The following GPR89B variants were observed in gnomAD, a reference collection of about 807,000 sequenced individuals.
GPR89B encodes the protein golgi pH regulator B.
Under a neutral mutation model 52.4 loss-of-function variants are expected in GPR89B, and 25 were observed. That is an observed-to-expected ratio of 0.48 (90% CI 0.35 to 0.67). The LOEUF is 0.67. Ranked by LOEUF, GPR89B falls within the 30% of genes least tolerant of loss-of-function variation. GPR89B has a pLI of 0.01. For missense variants in GPR89B, 146 were observed against 450.2 expected (o/e 0.32, Z 6.11); for synonymous variants, 52 against 151.2 (o/e 0.34, Z 4.81).
Position 147,947,292 on chromosome 1 carries a change from C to A in GPR89B, c.415+3194C>A, listed in dbSNP as rs1184021539. Among the ~76,000 whole-genome samples, 3 of 150,134 alleles carry A rather than the reference C, an allele frequency of 2.0e-5. No homozygotes were observed. In the East Asian group the frequency reaches 5.9e-4, roughly 29 times the overall value. ...GGCTGAGGTTGCAGTGAGCTGAGAT[C>A]GTGCCACTCCCCTCCAGCCTGGGCG... On this transcript the variant is annotated intron_variant, in intron 5 of 13. Transcript: ENST00000314163.
At chr1:147,958,809 AAG>A (rs1656320814) in intron 7 of GPR89B, among the ~76,000 whole-genome samples, 1 of 152,018 alleles carries the variant, frequency 6.6e-6, no homozygotes, top group African/African-American at 2.4e-5. Flanking sequence ...GTCCGACAGT[AAG>A]TTTTATTAAT....
At chr1:148,020,626 G>T in the GPR89B span, among the ~76,000 whole-genome samples, 1 of 151,716 alleles carries the variant, frequency 6.6e-6, no homozygotes, top group African/African-American at 2.4e-5. Flanking sequence ...GGGAAGGGGG[G>T]AACTACTGTA....
chr1:147,934,877 T>C (rs1653948388), intron 1 of GPR89B, among the ~76,000 whole-genome samples: 1 of 152,120 alleles, frequency 6.6e-6, no homozygotes, highest in African/African-American at 2.4e-5. Flanking sequence ...AAATTTAAGA[T>C]TGAATGCTGA....
chr1:147,937,699 C>T (rs1189245118), intron 2 of GPR89B, among the ~76,000 whole-genome samples: 1 of 152,164 alleles, frequency 6.6e-6, no homozygotes, highest in Non-Finnish European at 1.5e-5. Context: ...TGCAAGCAGT[C>T]GGACCTTATG....
intron 7 of GPR89B, among the ~76,000 whole-genome samples, chr1:147,962,651 C>T (rs1195844656): frequency 1.2e-4 from 19 of 152,032 alleles, no homozygotes; most frequent in African/African-American, 4.6e-4. Flanking sequence ...AATCCCAGCA[C>T]TTTGGGAAGC....
intron 5 of GPR89B, among the ~76,000 whole-genome samples, chr1:147,945,927 C>T (rs587679630): frequency 6.4e-4 from 97 of 152,050 alleles, no homozygotes; most frequent in African/African-American, 2.2e-3. Context: ...GGTTTCTCCA[C>T]GTTGCTCAGG....
At position 147,942,780 on chromosome 1, in the gene GPR89B, CAG is replaced by C. The variant is rs587761365; in HGVS notation, c.207-657_207-656del. On this transcript the variant is annotated intron_variant, in intron 3 of 13. Transcript: ENST00000314163. ...TAGAGCTGAGGAGATTGGGGAGAAACAGGGAGTGACTGCTAATGGGTACAGGG... is the reference window on the plus strand; with the variant it reads ...TAGAGCTGAGGAGATTGGGGAGAAACGGAGTGACTGCTAATGGGTACAGGG... Among the ~76,000 whole-genome samples the C allele has an allele frequency of 6.6e-3, 581 of 87,962 alleles. 12 individuals carry two copies. Among genetic ancestry groups the C allele is most frequent in the East Asian group, 0.041 (133 of 3,208 alleles). The allele number at this position is 87,962 out of a possible 152,430, so 57.7% of individuals were successfully genotyped here.
the GPR89B span, among the ~76,000 whole-genome samples, chr1:148,005,773 A>G: frequency 1.3e-5 from 2 of 151,958 alleles, no homozygotes; most frequent in African/African-American, 4.8e-5. Flanking sequence ...TCCCTATGGT[A>G]TATCAGCCTT....
chr1:147,949,546 C>T (rs1234616693), intron 5 of GPR89B, among the ~76,000 whole-genome samples: 5 of 132,178 alleles, frequency 3.8e-5, no homozygotes, highest in Admixed American at 2.1e-4. Flanking sequence ...CCTCACCTCC[C>T]GGACGGGGCG....
At chr1:147,959,824 C>G (rs1656400131) in intron 7 of GPR89B, among the ~76,000 whole-genome samples, 1 of 151,656 alleles carries the variant, frequency 6.6e-6, no homozygotes, top group African/African-American at 2.4e-5. Context: ...GGTTGCTGTG[C>G]CTTTGATTGA....
chr1:147,929,507 T>C lies in GPR89B; in HGVS notation c.42+929T>C, dbSNP rs1571207985. Among the ~76,000 whole-genome samples, 3 of 152,244 alleles carry C rather than the reference T, an allele frequency of 2.0e-5. No homozygotes were observed. In the South Asian group the frequency reaches 6.2e-4, roughly 31 times the overall value. On this transcript the variant is annotated intron_variant, in intron 1 of 13. Coordinates refer to ENST00000314163, the MANE Select transcript of GPR89B (RefSeq NM_016334.5). Reference sequence around the variant, plus strand: ...CAATATTTGTGAAGCTCAGACTGCCTGTTGACCTTCTTCCCCTCATCTTTC... The same window carrying C: ...CAATATTTGTGAAGCTCAGACTGCCCGTTGACCTTCTTCCCCTCATCTTTC...
chr1:147,935,430 A>G (rs1457815119), intron 1 of GPR89B, among the ~76,000 whole-genome samples: 1 of 152,242 alleles, frequency 6.6e-6, no homozygotes, highest in Non-Finnish European at 1.5e-5. Flanking sequence ...AGCCAGTTTA[A>G]GAAGAAAAGA....
the GPR89B span, among the ~76,000 whole-genome samples, chr1:148,023,124 A>G: frequency 6.6e-6 from 1 of 150,768 alleles, no homozygotes; most frequent in African/African-American, 2.5e-5. Flanking sequence ...CACAGTGTCT[A>G]TAGTTCTCAA....
chr1:147,962,563 T>C (rs1461106703), intron 7 of GPR89B, among the ~76,000 whole-genome samples: 6 of 151,366 alleles, frequency 4.0e-5, no homozygotes, highest in Non-Finnish European at 7.4e-5. Flanking sequence ...CGTCCATAGG[T>C]TTAAAAAATG....
intron 1 of GPR89B, among the ~76,000 whole-genome samples, chr1:147,934,198 A>G (rs1424410853): frequency 2.7e-4 from 41 of 150,972 alleles, no homozygotes; most frequent in Non-Finnish European, 5.2e-4. Context: ...TTGTTTTGAG[A>G]CAGGGTTTCG....
the GPR89B span, chr1:148,005,658 C>T: frequency 1.1e-6 from 1 of 941,770 alleles, no homozygotes; most frequent in East Asian, 2.6e-5. Context: ...AAGAACATGT[C>T]AACCTTAATG....
At chr1:148,021,088 C>A in the GPR89B span, among the ~76,000 whole-genome samples, 2 of 151,966 alleles carry the variant, frequency 1.3e-5, no homozygotes, top group Non-Finnish European at 2.9e-5. Flanking sequence ...AAAACCGGCG[C>A]GACTTTTATC....
intron 5 of GPR89B, among the ~76,000 whole-genome samples, chr1:147,950,267 G>A (rs1193177509): frequency 5.9e-5 from 9 of 151,432 alleles, no homozygotes; most frequent in Non-Finnish European, 7.4e-5. Context: ...GGTCGCGGCC[G>A]GGTAGAGGTG....
chr1:147,951,494 G>A (rs1571258788), intron 5 of GPR89B, among the ~76,000 whole-genome samples: 1 of 152,144 alleles, frequency 6.6e-6, no homozygotes, highest in African/African-American at 2.4e-5. Flanking sequence ...TATTAAGGAG[G>A]AAATAGATGG....
Sources: allele counts gnomAD v4.1 joint callset (sites outside exome capture counted in the v4.1 genomes callset), GRCh38; gene constraint gnomAD v4.1.1; transcripts MANE v1.5; gene names NCBI Gene and HGNC (gene_info 2026-07-23, HGNC 2026-07-21).